Variants in THEMIS observed in about 807,000 individuals in gnomAD.
THEMIS encodes thymocyte selection associated, also known as protein THEMIS.
THEMIS carries 37 observed loss-of-function variants against 52.6 expected under a neutral mutation model. That is an observed-to-expected ratio of 0.70 (90% CI 0.54 to 0.93). The LOEUF (loss-of-function observed/expected upper bound fraction) is 0.93, where lower values mean the gene tolerates loss of function less well. THEMIS is among the 40% of genes least tolerant of loss of function. The pLI is 0.00. For missense variants in THEMIS, 808 were observed against 763.1 expected (o/e 1.06, Z -0.69); for synonymous variants, 292 against 272.7 (o/e 1.07, Z -0.70).
chr6:127,839,487 T>C (rs1279727192), intron 2 of THEMIS, among the ~76,000 whole-genome samples: 2 of 152,098 alleles, frequency 1.3e-5, no homozygotes, highest in Non-Finnish European at 2.9e-5. Context: ...TTGCAAATAA[T>C]GATTACCACC....
rs536412414 is a variant in THEMIS at position 127,812,829 on chromosome 6, A to G, written c.1758+54T>C. The stretch of plus-strand genomic sequence containing the variant: ...AACACACTCAGAAAAGACTTGAAAC[A>G]AATTGCCTGAAGGAACACACTCCAG... On this transcript the variant is annotated intron_variant, in intron 4 of 5. Coordinates refer to ENST00000368248, the MANE Select transcript of THEMIS (RefSeq NM_001010923.3). 1.3e-4 allele frequency: 197 copies of G among 1,498,068 alleles called. 1 individual carries two copies. In the Middle Eastern group the frequency reaches 2.7e-3, roughly 21 times the overall value. The allele number at this position is 1,498,068 out of a possible 1,614,324, so 92.8% of individuals were successfully genotyped here.
Position 127,861,642 on chromosome 6 carries a change from T to C in THEMIS, c.92-6454A>G, listed in dbSNP as rs551283653. 4.3e-4 allele frequency among the ~76,000 whole-genome samples: 65 copies of C among 150,388 alleles called. 1 individual carries two copies. In the South Asian group the frequency reaches 0.013, roughly 31 times the overall value. ...TACTAAAAATACAAAAATTAGCCGG[T>C]CATGGTGGTGGGTGCCTGTAATCCC... On this transcript the variant is annotated intron_variant, in intron 1 of 5. Transcript: ENST00000368248.
chr6:127,735,995 A>C (rs1774991820), intron 4 of THEMIS, among the ~76,000 whole-genome samples: 1 of 152,188 alleles, frequency 6.6e-6, no homozygotes, highest in African/African-American at 2.4e-5. Context: ...ATCTGGAAGG[A>C]TTTGCTGGTG....
At chr6:127,742,329 C>A (rs1161269549) in intron 4 of THEMIS, among the ~76,000 whole-genome samples, 1,761 of 124,618 alleles carry the variant, frequency 0.014, 37 homozygotes, top group African/African-American at 0.045. Flanking sequence ...AAAAAAAAAA[C>A]AAACAAAAAA....
intron 5 of THEMIS, among the ~76,000 whole-genome samples, chr6:127,712,152 G>T (rs908731174): frequency 5.9e-5 from 9 of 152,016 alleles, no homozygotes; most frequent in Non-Finnish European, 1.2e-4. Context: ...ACTCTCCCTT[G>T]TCAATAAGCT....
chr6:127,732,365 G>T (rs1446971396), intron 4 of THEMIS, among the ~76,000 whole-genome samples: 1 of 151,888 alleles, frequency 6.6e-6, no homozygotes, highest in African/African-American at 2.4e-5. Context: ...TTTAAAAATG[G>T]TTCTCTTTTG....
intron 3 of THEMIS, among the ~76,000 whole-genome samples, chr6:127,818,447 T>G (rs911344681): frequency 1.3e-5 from 2 of 152,064 alleles, no homozygotes; most frequent in Admixed American, 6.6e-5. Flanking sequence ...AAGCACTACA[T>G]GAAAATGTAG....
chr6:127,902,341 A>T (rs796940904), upstream of THEMIS, among the ~76,000 whole-genome samples: 4,115 of 149,482 alleles, frequency 0.028, 176 homozygotes, highest in African/African-American at 0.094. Flanking sequence ...AAAAAAAAAA[A>T]AAAATAAAGA....
chr6:127,730,306 G>GAAAAGAA (rs1774730786), intron 4 of THEMIS, among the ~76,000 whole-genome samples: 1 of 123,482 alleles, frequency 8.1e-6, no homozygotes, highest in Non-Finnish European at 1.7e-5. Flanking sequence ...GAAAAGAAAA[G>GAAAAGAA]AAAAGAAAAG....
chr6:127,813,598 T>C lies in THEMIS; in HGVS notation c.1043A>G (p.Glu348Gly), dbSNP rs535706692. 3 of 1,614,086 alleles carry C rather than the reference T, an allele frequency of 1.9e-6. No individual in the cohort carries two copies. In the East Asian group the frequency reaches 6.7e-5, roughly 36 times the overall value. Residue 348 changes from glutamate (E) to glycine (G), a missense_variant, in exon 4 of 6, where the codon GAG (glutamate) becomes GGG (glycine). Glu to Gly is a moderately conservative substitution (Grantham distance 98). Transcript: ENST00000368248. Reference protein sequence around the residue: ...YKGKFKRRPREFPTAYDLEIA... With the variant: ...YKGKFKRRPRGFPTAYDLEIA... ...CTCTAGGTCATAGGCCGTTGGGAAC[T>C]CCCTCGGTCGCCGCTTGAACTTGCC...
intron 3 of THEMIS, 54 bp from the exon 4 acceptor site, chr6:127,813,985 G>C (rs1371754450): frequency 3.2e-5 from 45 of 1,397,442 alleles, no homozygotes; most frequent in Non-Finnish European, 4.0e-5. Context: ...AACGTTTGCT[G>C]TGAGATACTC....
chr6:127,700,132 T>C, the THEMIS span, among the ~76,000 whole-genome samples: 1 of 151,842 alleles, frequency 6.6e-6, no homozygotes, highest in African/African-American at 2.4e-5. Flanking sequence ...TGAAAACCTA[T>C]TCTAAATGAG....
At chr6:127,777,217 T>C (rs1000298860) in intron 4 of THEMIS, among the ~76,000 whole-genome samples, 1 of 152,096 alleles carries the variant, frequency 6.6e-6, no homozygotes, top group African/African-American at 2.4e-5. Flanking sequence ...GTTTCATTTT[T>C]ACTTTTTTGC....
chr6:127,762,325 A>T (rs767417337), intron 4 of THEMIS, among the ~76,000 whole-genome samples: 1 of 152,110 alleles, frequency 6.6e-6, no homozygotes, highest in Non-Finnish European at 1.5e-5. Flanking sequence ...ATTGTATACA[A>T]TATGGTATCT....
chr6:127,737,487 G>T (rs189603117), intron 4 of THEMIS, among the ~76,000 whole-genome samples: 34 of 152,236 alleles, frequency 2.2e-4, no homozygotes, highest in African/African-American at 7.2e-4. Flanking sequence ...GTATTCAAAT[G>T]CCACCCATAT....
At chr6:127,834,526 G>C (rs1778811036) in intron 2 of THEMIS, among the ~76,000 whole-genome samples, 1 of 151,802 alleles carries the variant, frequency 6.6e-6, no homozygotes, top group Non-Finnish European at 1.5e-5. Context: ...GAAGGTTGTA[G>C]TGAGCAAAGA....
At chr6:127,885,291 C>T (rs980582725) in intron 1 of THEMIS, among the ~76,000 whole-genome samples, 6 of 152,070 alleles carry the variant, frequency 3.9e-5, no homozygotes, top group Non-Finnish European at 5.9e-5. Flanking sequence ...AATTTTCTCT[C>T]ATTCTGAAAG....
chr6:127,743,827 G>C (rs1205377789), intron 4 of THEMIS, among the ~76,000 whole-genome samples: 1 of 152,054 alleles, frequency 6.6e-6, no homozygotes, highest in Non-Finnish European at 1.5e-5. Flanking sequence ...TAAAAAGCAA[G>C]TCTGTTTTTC....
chr6:127,782,420 T>C (rs1776776658), intron 4 of THEMIS, among the ~76,000 whole-genome samples: 1 of 152,108 alleles, frequency 6.6e-6, no homozygotes, highest in Non-Finnish European at 1.5e-5. Flanking sequence ...CCCAGGGCCC[T>C]AGTGGTGTAG....
Sources: gnomAD v4.1 joint callset for allele counts (sites outside exome capture counted in the v4.1 genomes callset) on GRCh38, gnomAD v4.1.1 for gene constraint, MANE v1.5 for transcripts, NCBI Gene and HGNC (gene_info 2026-07-23, HGNC 2026-07-21) for gene names.